The following TRAPPC9 variants were observed in gnomAD, a reference collection of about 807,000 sequenced individuals.
The protein encoded by TRAPPC9 is trafficking protein particle complex subunit 9, also known as IKK2 binding protein.
TRAPPC9 carries 83 observed loss-of-function variants against 124.0 expected under a neutral mutation model. That is an observed-to-expected ratio of 0.67 (90% CI 0.56 to 0.80). The LOEUF (loss-of-function observed/expected upper bound fraction) is 0.80, where lower values mean the gene tolerates loss of function less well. Among genes scored for constraint, TRAPPC9 ranks in the 30% least tolerant of loss-of-function variants. The pLI, the probability that TRAPPC9 is intolerant of heterozygous loss-of-function variation, is 0.00. For synonymous variants in TRAPPC9, 638 were observed against 617.5 expected (o/e 1.03, Z -0.49); for missense variants, 1,302 against 1,508.3 (o/e 0.86, Z 2.27).
intron 21 of TRAPPC9, among the ~76,000 whole-genome samples, chr8:139,765,917 G>A (rs1820558090): frequency 6.6e-6 from 1 of 152,202 alleles, no homozygotes; most frequent in East Asian, 1.9e-4. Context: ...GCACACGTAG[G>A]TAGGCTTCTC....
At chr8:140,331,135 A>T (rs1190183131) in intron 9 of TRAPPC9, among the ~76,000 whole-genome samples, 2 of 143,502 alleles carry the variant, frequency 1.4e-5, no homozygotes, top group African/African-American at 2.5e-5. Context: ...TAGACCAATT[A>T]AAAAAAAAAA....
At chr8:140,133,426 G>C (rs1270341913) in intron 17 of TRAPPC9, among the ~76,000 whole-genome samples, 2 of 152,148 alleles carry the variant, frequency 1.3e-5, no homozygotes, top group Non-Finnish European at 2.9e-5. Flanking sequence ...ACATGATAAA[G>C]GGTATCTATG....
intron 17 of TRAPPC9, among the ~76,000 whole-genome samples, chr8:140,071,337 G>A (rs769152191): frequency 6.6e-6 from 1 of 152,184 alleles, no homozygotes; most frequent in African/African-American, 2.4e-5. Context: ...CGGTCATGCT[G>A]CTCAGTCCCT....
At chr8:139,749,835 G>A (rs554242289) in intron 21 of TRAPPC9, among the ~76,000 whole-genome samples, 1 of 152,244 alleles carries the variant, frequency 6.6e-6, no homozygotes, top group Non-Finnish European at 1.5e-5. Flanking sequence ...GGGCTGCCCA[G>A]TGGAGAGCAC....
intron 7 of TRAPPC9, among the ~76,000 whole-genome samples, chr8:140,395,223 T>A (rs977282212): frequency 5.6e-4 from 86 of 152,310 alleles, no homozygotes; most frequent in African/African-American, 2.0e-3. Flanking sequence ...TTTGAGGGAC[T>A]GTGGTGTTGT....
intron 17 of TRAPPC9, among the ~76,000 whole-genome samples, chr8:140,031,099 T>C (rs1240290602): frequency 1.3e-5 from 2 of 152,202 alleles, no homozygotes; most frequent in Admixed American, 6.5e-5. Context: ...TAAGTCACAA[T>C]GTGGGCCACG....
At chr8:140,454,937 A>T (rs1477148470) in intron 1 of TRAPPC9, among the ~76,000 whole-genome samples, 5 of 113,808 alleles carry the variant, frequency 4.4e-5, no homozygotes, top group African/African-American at 7.1e-5. Context: ...AAGACTCTTT[A>T]AAAAAAAAAA....
intron 16 of TRAPPC9, among the ~76,000 whole-genome samples, chr8:140,242,265 G>A (rs976987914): frequency 6.6e-6 from 1 of 152,060 alleles, no homozygotes; most frequent in African/African-American, 2.4e-5. Context: ...GATTCAAGAG[G>A]GCCAGGCTAG....
chr8:140,310,217 T>C (rs530726306), intron 10 of TRAPPC9, among the ~76,000 whole-genome samples: 1 of 152,252 alleles, frequency 6.6e-6, no homozygotes, highest in South Asian at 2.1e-4. Flanking sequence ...TTTGGGGGCA[T>C]AGTGGGGAGA....
At chr8:140,364,613 C>T (rs893431785) in intron 8 of TRAPPC9, among the ~76,000 whole-genome samples, 4 of 152,040 alleles carry the variant, frequency 2.6e-5, no homozygotes, top group Non-Finnish European at 5.9e-5. Flanking sequence ...GACGGAGTCT[C>T]GCTGTCACCC....
chr8:139,765,146 G>A (rs1222938871), intron 21 of TRAPPC9, among the ~76,000 whole-genome samples: 1 of 152,208 alleles, frequency 6.6e-6, no homozygotes, highest in Admixed American at 6.5e-5. Context: ...CCCAAGGGTG[G>A]GGCTGCTGCC....
At chr8:140,405,815 G>GT (rs1452079994) in intron 5 of TRAPPC9, 117 bp from the exon 6 acceptor site, 3 of 1,201,148 alleles carry the variant, frequency 2.5e-6, no homozygotes, top group Non-Finnish European at 3.6e-6. Context: ...TTTAAATAAT[G>GT]TAAGTGTTTA....
chr8:140,146,960 C>T (rs1033609526), intron 17 of TRAPPC9, among the ~76,000 whole-genome samples: 3 of 151,980 alleles, frequency 2.0e-5, no homozygotes, highest in Non-Finnish European at 4.4e-5. Context: ...CTGTTACCCA[C>T]GCACTCAATA....
chr8:139,908,993 T>C (rs1035072469), intron 20 of TRAPPC9, among the ~76,000 whole-genome samples: 7 of 152,226 alleles, frequency 4.6e-5, no homozygotes, highest in African/African-American at 1.4e-4. Context: ...TGTAAAGTGC[T>C]TATTTTGTCA....
chr8:140,439,293 T>C (rs757699730), intron 2 of TRAPPC9, 96 bp from the exon 3 acceptor site: 9 of 1,391,456 alleles, frequency 6.5e-6, no homozygotes, highest in Non-Finnish European at 9.0e-6. Context: ...CTACTAAAAA[T>C]GCTAAGAAGG....
intron 21 of TRAPPC9, among the ~76,000 whole-genome samples, chr8:139,816,624 C>T (rs1454459371): frequency 6.7e-6 from 1 of 149,688 alleles, no homozygotes; most frequent in Admixed American, 6.8e-5. Context: ...TCTCTGGGAC[C>T]CAACTGCAGG....
intron 21 of TRAPPC9, among the ~76,000 whole-genome samples, chr8:139,784,562 A>C (rs1822054960): frequency 6.7e-6 from 1 of 148,688 alleles, no homozygotes; most frequent in African/African-American, 2.5e-5. Context: ...CAACGGAGAG[A>C]GACTCCATGT....
chr8:140,181,448 T>C (rs2062202432), intron 17 of TRAPPC9, among the ~76,000 whole-genome samples: 1 of 151,992 alleles, frequency 6.6e-6, no homozygotes, highest in South Asian at 2.1e-4. Flanking sequence ...TTTGTTTTGT[T>C]TTGTTTTGTT....
chr8:140,193,299 A>T (rs1343956113), intron 17 of TRAPPC9, among the ~76,000 whole-genome samples: 1 of 152,332 alleles, frequency 6.6e-6, no homozygotes, highest in African/African-American at 2.4e-5. Context: ...TTTAAATTAC[A>T]CACTTAGAAC....
Sources: allele counts gnomAD v4.1 joint callset (sites outside exome capture counted in the v4.1 genomes callset), GRCh38; gene constraint gnomAD v4.1.1; transcripts MANE v1.5; gene names NCBI Gene and HGNC (gene_info 2026-07-23, HGNC 2026-07-21).